ORC4: variants seen among roughly 807,000 people sequenced by gnomAD.
The protein encoded by ORC4 is origin recognition complex, subunit 4 homolog.
In ORC4, 55 loss-of-function variants were observed where a neutral mutation model predicts 63.9. The observed-to-expected ratio is 0.86, with a 90% CI of 0.69 to 1.08. The LOEUF (loss-of-function observed/expected upper bound fraction) is 1.08. Ranked by LOEUF, ORC4 falls within the 50% of genes least tolerant of loss-of-function variation. ORC4 has a pLI of 0.00. For synonymous variants in ORC4, 150 were observed against 168.5 expected, an observed-to-expected ratio of 0.89 and a Z score of 0.85; for missense variants, 511 against 504.4, an observed-to-expected ratio of 1.01 and a Z score of -0.13.
chr2:147,971,544 C>T (rs1690212046), intron 4 of ORC4, among the ~76,000 whole-genome samples: 1 of 151,760 alleles, frequency 6.6e-6, no homozygotes, highest in Non-Finnish European at 1.5e-5. Flanking sequence ...ATTACAAGTA[C>T]AAACAATGAG....
intron 1 of ORC4, among the ~76,000 whole-genome samples, chr2:148,014,401 A>T (rs1160944466): frequency 6.6e-6 from 1 of 152,180 alleles, no homozygotes. Context: ...ATGAATAGTG[A>T]CTTGGGACTG....
intron 4 of ORC4, among the ~76,000 whole-genome samples, chr2:147,969,025 C>G (rs1690057189): frequency 6.6e-6 from 1 of 151,704 alleles, no homozygotes; most frequent in Non-Finnish European, 1.5e-5. Flanking sequence ...ATGAAATAAG[C>G]CAGGAAAAGA....
At chr2:147,973,570 G>T (rs1441559095) in intron 2 of ORC4, 46 bp from the exon 3 acceptor site, 7 of 1,051,132 alleles carry the variant, frequency 6.7e-6, no homozygotes, top group African/African-American at 6.4e-5. Flanking sequence ...TATTACACAT[G>T]ATATAAAAAA....
At chr2:147,997,981 G>A (rs1390830452) in intron 1 of ORC4, among the ~76,000 whole-genome samples, 4 of 151,932 alleles carry the variant, frequency 2.6e-5, no homozygotes, top group Non-Finnish European at 5.9e-5. Context: ...TAACATGCTG[G>A]ACATAATTAA....
chr2:147,983,798 G>C (rs184841410), intron 1 of ORC4, among the ~76,000 whole-genome samples: 48 of 152,262 alleles, frequency 3.2e-4, no homozygotes, highest in African/African-American at 1.1e-3. Context: ...AGAGATTGTA[G>C]ACACGGCAAA....
chr2:147,999,533 G>A (rs1320567824), intron 1 of ORC4, among the ~76,000 whole-genome samples: 1 of 152,088 alleles, frequency 6.6e-6, no homozygotes, highest in Admixed American at 6.6e-5. Flanking sequence ...GTTTTCAGGA[G>A]CAACCTATCT....
At chr2:147,961,104 A>G (rs1161616354) in intron 4 of ORC4, among the ~76,000 whole-genome samples, 1 of 152,182 alleles carries the variant, frequency 6.6e-6, no homozygotes, top group Non-Finnish European at 1.5e-5. Context: ...ACAAACAAAC[A>G]TAAGACTACA....
chr2:147,967,822 A>G (rs762787356), intron 4 of ORC4, among the ~76,000 whole-genome samples: 11 of 152,144 alleles, frequency 7.2e-5, no homozygotes, highest in Non-Finnish European at 1.2e-4. Flanking sequence ...TGAAACAACA[A>G]AAGATGCCAA....
chr2:147,950,690 C>T (rs1008387860), intron 8 of ORC4, among the ~76,000 whole-genome samples: 14 of 149,380 alleles, frequency 9.4e-5, no homozygotes, highest in African/African-American at 2.2e-4. Flanking sequence ...GCTTGAACCC[C>T]GAAGGTGGAG....
intron 1 of ORC4, among the ~76,000 whole-genome samples, chr2:147,987,411 C>CAA (rs1553458418): frequency 8.9e-5 from 13 of 146,638 alleles, no homozygotes; most frequent in Admixed American, 6.1e-4. Context: ...CACACACACA[C>CAA]AAAAAGTAAC....
At chr2:147,983,092 G>C (rs1481500538) in intron 1 of ORC4, among the ~76,000 whole-genome samples, 1 of 152,162 alleles carries the variant, frequency 6.6e-6, no homozygotes, top group Non-Finnish European at 1.5e-5. Context: ...TAAAGAAAAT[G>C]AATCTTTCAT....
In ORC4 at chr2:147,939,202, G is replaced by A. The variant is rs776141895; in HGVS notation, c.896C>T (p.Ala299Val). 1.1e-5 allele frequency: 17 copies of A among 1,612,916 alleles called. No individual in the cohort carries two copies. The highest frequency in any genetic ancestry group is 1.3e-5 in the African/African-American group (1 of 74,816). ...TTGGCTTGCTTCCATTAGATCTACG[G>A]CAGTCATAAATGGGTGCGATGCTGT... ...RVTASHPFMT[A>V]VDLMEASQLC... The change falls in exon 11 of 14, where the codon GCC becomes GTC. Residue 299 changes from alanine (A) to valine (V), a missense_variant. Coordinates refer to ENST00000392857, the MANE Select transcript of ORC4 (RefSeq NM_181741.4).
At chr2:147,959,320 A>G (rs1689444819) in intron 4 of ORC4, among the ~76,000 whole-genome samples, 1 of 151,988 alleles carries the variant, frequency 6.6e-6, no homozygotes, top group Non-Finnish European at 1.5e-5. Flanking sequence ...TTGCTCTTGT[A>G]CTGTGATATC....
chr2:148,009,495 T>C (rs1692824370), intron 1 of ORC4, among the ~76,000 whole-genome samples: 2 of 152,056 alleles, frequency 1.3e-5, no homozygotes, highest in Non-Finnish European at 1.5e-5. Flanking sequence ...GGTTATCATA[T>C]AATACAAAAG....
At chr2:147,954,236 A>G (rs1373639251) in intron 7 of ORC4, among the ~76,000 whole-genome samples, 1 of 152,242 alleles carries the variant, frequency 6.6e-6, no homozygotes, top group Non-Finnish European at 1.5e-5. Flanking sequence ...ATAAATAAGC[A>G]TAACATAAAC....
At chr2:147,969,622 GA>G (rs934583335) in intron 4 of ORC4, among the ~76,000 whole-genome samples, 21 of 151,938 alleles carry the variant, frequency 1.4e-4, no homozygotes, top group African/African-American at 4.3e-4. Flanking sequence ...AATGCTGAGA[GA>G]GGGGGAAAAA....
chr2:147,998,045 T>C (rs749160078), intron 1 of ORC4, among the ~76,000 whole-genome samples: 1 of 151,984 alleles, frequency 6.6e-6, no homozygotes, highest in South Asian at 2.1e-4. Flanking sequence ...TTAGGGAAAA[T>C]AGTTTTGGTA....
At chr2:148,010,907 C>T (rs1300589535) in intron 1 of ORC4, among the ~76,000 whole-genome samples, 2 of 138,730 alleles carry the variant, frequency 1.4e-5, no homozygotes, top group Admixed American at 1.6e-4. Flanking sequence ...AGGTGATCTG[C>T]AACCTCCACC....
intron 7 of ORC4, among the ~76,000 whole-genome samples, chr2:147,954,983 C>T (rs923556909): frequency 6.6e-6 from 1 of 151,668 alleles, no homozygotes; most frequent in Non-Finnish European, 1.5e-5. Flanking sequence ...AAACAAAAGC[C>T]CATAATTGGT....
Sources: gnomAD v4.1 joint callset for allele counts (sites outside exome capture counted in the v4.1 genomes callset) on GRCh38, gnomAD v4.1.1 for gene constraint, MANE v1.5 for transcripts, NCBI Gene and HGNC (gene_info 2026-07-23, HGNC 2026-07-21) for gene names.